The following CPNE8 variants were observed in gnomAD, a reference collection of about 807,000 sequenced individuals.
The protein encoded by CPNE8 is copine 8.
A neutral mutation model predicts 81.5 loss-of-function variants in CPNE8; 45 were observed. That is an observed-to-expected ratio of 0.55 (90% CI 0.44 to 0.71). The LOEUF (loss-of-function observed/expected upper bound fraction) is 0.71. Ranked by LOEUF, CPNE8 falls within the 30% of genes least tolerant of loss-of-function variation. The probability of loss-of-function intolerance (pLI) is 0.00; values close to 1 mark genes in which losing one functional copy is unlikely to be tolerated. For synonymous variants in CPNE8, 252 were observed against 226.3 expected (o/e 1.11, Z -1.02); for missense variants, 594 against 672.1 (o/e 0.88, Z 1.28).
chr12:38,741,774 C>G (rs1941112177), intron 10 of CPNE8, among the ~76,000 whole-genome samples: 2 of 152,068 alleles, frequency 1.3e-5, no homozygotes, highest in South Asian at 4.2e-4. Flanking sequence ...ATCTTCTCAT[C>G]TGACAAAGGG....
intron 13 of CPNE8, among the ~76,000 whole-genome samples, chr12:38,722,488 C>G (rs1035892605): frequency 6.6e-6 from 1 of 152,120 alleles, no homozygotes; most frequent in Admixed American, 6.5e-5. Context: ...CTTGGTCCCC[C>G]CACTCCCTCA....
intron 10 of CPNE8, among the ~76,000 whole-genome samples, chr12:38,749,304 T>C (rs1052984256): frequency 3.9e-5 from 6 of 152,224 alleles, no homozygotes; most frequent in Non-Finnish European, 8.8e-5. Context: ...ATTAAACCTC[T>C]TTCTTTTGTA....
chr12:38,777,356 GTGTT>G (rs1941957866), intron 6 of CPNE8, among the ~76,000 whole-genome samples: 1 of 152,296 alleles, frequency 6.6e-6, no homozygotes, highest in South Asian at 2.1e-4. Flanking sequence ...GCTGTGCAAT[GTGTT>G]TGTGTTCTAG....
At chr12:38,715,698 G>A (rs1940369330) in intron 13 of CPNE8, among the ~76,000 whole-genome samples, 2 of 152,046 alleles carry the variant, frequency 1.3e-5, no homozygotes, top group African/African-American at 4.8e-5. Flanking sequence ...ACTGAATGGA[G>A]AAAAGTTGAA....
At chr12:38,778,472 TTTGTGCTTA>T (rs754098572) in intron 6 of CPNE8, among the ~76,000 whole-genome samples, 72 of 152,278 alleles carry the variant, frequency 4.7e-4, no homozygotes, top group South Asian at 2.5e-3. Flanking sequence ...TCGGTGACAT[TTTGTGCTTA>T]TTTCTTCTTT....
At chr12:38,688,675 C>A (rs1939599063) in intron 15 of CPNE8, among the ~76,000 whole-genome samples, 1 of 151,844 alleles carries the variant, frequency 6.6e-6, no homozygotes. Context: ...GCATTCACGG[C>A]AACCTAGATG....
chr12:38,866,768 A>G (rs1324224028), intron 3 of CPNE8, among the ~76,000 whole-genome samples: 1 of 152,190 alleles, frequency 6.6e-6, no homozygotes, highest in Non-Finnish European at 1.5e-5. Flanking sequence ...CTTCCACCAC[A>G]TAAATTCTGA....
intron 13 of CPNE8, among the ~76,000 whole-genome samples, chr12:38,707,455 A>C (rs1940135228): frequency 6.6e-6 from 1 of 152,112 alleles, no homozygotes; most frequent in South Asian, 2.1e-4. Context: ...TAAGAGAAAG[A>C]GAGAGGAGGG....
intron 1 of CPNE8, among the ~76,000 whole-genome samples, chr12:38,883,925 G>T (rs778321740): frequency 6.6e-6 from 1 of 152,092 alleles, no homozygotes; most frequent in African/African-American, 2.4e-5. Context: ...TACCTAAGGC[G>T]TCCCTAGGCC....
intron 6 of CPNE8, among the ~76,000 whole-genome samples, chr12:38,780,786 A>G (rs1192790983): frequency 4.6e-5 from 7 of 152,100 alleles, no homozygotes; most frequent in Non-Finnish European, 8.8e-5. Context: ...TAAACTATAG[A>G]TACTTTGAAA....
At chr12:38,767,110 G>GA (rs1295167958) in intron 8 of CPNE8, among the ~76,000 whole-genome samples, 2 of 151,922 alleles carry the variant, frequency 1.3e-5, no homozygotes, top group Non-Finnish European at 2.9e-5. Context: ...TTTAATAGCA[G>GA]AGCCATACAT....
At chr12:38,853,853 G>A (rs544622221) in intron 3 of CPNE8, among the ~76,000 whole-genome samples, 2 of 152,092 alleles carry the variant, frequency 1.3e-5, no homozygotes, top group South Asian at 4.1e-4. Flanking sequence ...ATCTATTTAT[G>A]GCACCAAGCA....
chr12:38,905,949 C>T (rs955133707), upstream of CPNE8: 19 of 985,260 alleles, frequency 1.9e-5, no homozygotes, highest in Non-Finnish European at 2.3e-5. Flanking sequence ...GCTCTGCGTG[C>T]TTTTAGGTTT....
intron 10 of CPNE8, among the ~76,000 whole-genome samples, chr12:38,733,390 TATA>T (rs1940882080): frequency 1.3e-5 from 2 of 152,030 alleles, no homozygotes; most frequent in East Asian, 3.9e-4. Context: ...AAAGAAAAAA[TATA>T]ATGTGCATTA....
intron 18 of CPNE8, among the ~76,000 whole-genome samples, chr12:38,675,004 T>C (rs1227970245): frequency 6.6e-6 from 1 of 152,182 alleles, no homozygotes; most frequent in Non-Finnish European, 1.5e-5. Flanking sequence ...TAGCACAAAG[T>C]TCTCTTAAAG....
intron 10 of CPNE8, among the ~76,000 whole-genome samples, chr12:38,740,245 T>G (rs997496618): frequency 6.6e-6 from 1 of 152,174 alleles, no homozygotes; most frequent in Non-Finnish European, 1.5e-5. Context: ...TGCACATTGA[T>G]TTTGAATCCT....
At chr12:38,725,050 TTC>T in intron 11 of CPNE8, 151 bp from the exon 12 acceptor site, 1 of 736,234 alleles carries the variant, frequency 1.4e-6, no homozygotes, top group Non-Finnish European at 2.3e-6. Flanking sequence ...TGGACAGTCA[TTC>T]AGTCAAAACT....
intron 16 of CPNE8, among the ~76,000 whole-genome samples, chr12:38,682,805 C>G (rs900898978): frequency 6.6e-6 from 1 of 152,104 alleles, no homozygotes; most frequent in Non-Finnish European, 1.5e-5. Context: ...GACTGAAGTG[C>G]AGTACATTTG....
intron 19 of CPNE8, among the ~76,000 whole-genome samples, chr12:38,656,354 T>C (rs1174739723): frequency 6.6e-6 from 1 of 151,714 alleles, no homozygotes; most frequent in African/African-American, 2.4e-5. Flanking sequence ...TTTTTTTTCT[T>C]TGTTTTTGAA....
Sources: allele counts gnomAD v4.1 joint callset (sites outside exome capture counted in the v4.1 genomes callset), GRCh38; gene constraint gnomAD v4.1.1; transcripts MANE v1.5; gene names NCBI Gene and HGNC (gene_info 2026-07-23, HGNC 2026-07-21).